Variants in SIX4 observed in about 807,000 individuals in gnomAD.
The protein encoded by SIX4 is SIX homeobox 4, also known as homeobox protein SIX4.
SIX4 carries 23 observed loss-of-function variants against 51.5 expected under a neutral mutation model. The observed-to-expected ratio is 0.45, with a 90% confidence interval of 0.32 to 0.63. SIX4 has a LOEUF of 0.63. SIX4 is among the 30% of genes least tolerant of loss of function. The probability of loss-of-function intolerance (pLI) is 0.04; values close to 1 mark genes in which losing one functional copy is unlikely to be tolerated. For synonymous variants in SIX4, 413 were observed against 417.3 expected, an observed-to-expected ratio of 0.99 and a Z score of 0.13; for missense variants, 867 against 984.0, an observed-to-expected ratio of 0.88 and a Z score of 1.59.
Position 60,723,961 on chromosome 14 carries a change from G to A in SIX4, c.114C>T (p.Gly38=), listed in dbSNP as rs758349639. Residue 38 remains glycine (G), a synonymous_variant, in exon 1 of 3, where the codon GGC becomes GGT. Coordinates refer to ENST00000216513, the MANE Select transcript of SIX4 (RefSeq NM_017420.5). ...CCGGGGGGCTCAGCCCTACCGCCGC[G>A]CCCCCCGCCACTTCTCGGTGCGCCT... ...GQEAHREVAG[G]AAVGLSPPAP... The A allele has an allele frequency of 3.3e-5, 50 of 1,503,862 alleles. 1 individual carries two copies. Among genetic ancestry groups the A allele is most frequent in the Middle Eastern group, 3.7e-4 (2 of 5,398 alleles). 93.2% of individuals were successfully genotyped at this position (1,503,862 alleles called of 1,614,324 possible).
chr14:60,721,833 G>C (rs929860274), intron 1 of SIX4, among the ~76,000 whole-genome samples: 1 of 152,226 alleles, frequency 6.6e-6, no homozygotes, highest in Admixed American at 6.5e-5. Context: ...CAGGTGGCTC[G>C]GCGTAACCAA....
At position 60,723,850 on chromosome 14, in the gene SIX4, C is replaced by T. The variant is rs575910506; in HGVS notation, c.225G>A (p.Ala75=). The T allele has an allele frequency of 6.4e-4, 985 of 1,528,156 alleles. 3 individuals carry two copies. The highest frequency in any genetic ancestry group is 1.9e-3 in the Admixed American group (83 of 44,798). 94.7% of individuals were successfully genotyped at this position (1,528,156 alleles called of 1,614,324 possible). Residue 75 remains alanine (A), a synonymous_variant, in exon 1 of 3, where the codon GCG becomes GCA. Coordinates refer to ENST00000216513, the MANE Select transcript of SIX4 (RefSeq NM_017420.5). The stretch of plus-strand genomic sequence containing the variant: ...CCTGATCCGCCGCCGCTCCGGCCGC[C>T]GCCGCCGCCACTGCCCCTTCCTCTC... ...VSGEEGAVAA[A]AAGAAADQVQ...
At position 60,713,309 on chromosome 14, in the gene SIX4, A is replaced by G. The variant is rs934589249; in HGVS notation, c.*98T>C. The G allele has an allele frequency of 1.8e-5, 23 of 1,305,606 alleles. No homozygotes were observed. In the African/African-American group the frequency reaches 2.8e-4, roughly 16 times the overall value. The allele number at this position is 1,305,606 out of a possible 1,614,324, so 80.9% of individuals were successfully genotyped here. On this transcript the variant is annotated 3_prime_UTR_variant, in exon 3 of 3. Transcript: ENST00000216513. Reference sequence around the variant, plus strand: ...CTTGTATGCATATACTTGCAAAACTAGAGTGTTTTCCTTTAAATGGGAAAA... The same window carrying G: ...CTTGTATGCATATACTTGCAAAACTGGAGTGTTTTCCTTTAAATGGGAAAA...
rs1397975431 is a variant in SIX4 at position 60,722,878 on chromosome 14, G to A, written c.863+334C>T. Among the ~76,000 whole-genome samples, 3 of 151,764 alleles carry A rather than the reference G, an allele frequency of 2.0e-5. No homozygotes were observed. Among genetic ancestry groups the A allele is most frequent in the Non-Finnish European group, 4.4e-5 (3 of 67,900 alleles). On this transcript the variant is annotated intron_variant, in intron 1 of 2. Coordinates refer to ENST00000216513, the MANE Select transcript of SIX4 (RefSeq NM_017420.5). This position sits in a 1 kb window ranked among gnomAD's most constrained non-coding sequence, Gnocchi z 5.9. The stretch of plus-strand genomic sequence containing the variant: ...GCTTCGTTAGCCCCTCCAGAAACGG[G>A]GAGAGGGTGGCAACTTCAAAGCCAG...
At position 60,724,102 on chromosome 14, in the gene SIX4, T is replaced by C; in HGVS notation, c.-28A>G. On this transcript the variant is annotated 5_prime_UTR_variant, in exon 1 of 3. Transcript: ENST00000216513. ...TTTGTTGTTTATTTTCCTCCCTCCC[T>C]CACTCCCTCGCACTCTTTTCCTCTT... is the stretch of plus-strand genomic sequence containing the variant. The C allele has an allele frequency of 6.3e-7, 1 of 1,578,502 alleles. No individual in the cohort carries two copies. The highest frequency in any genetic ancestry group is 8.6e-7 in the Non-Finnish European group (1 of 1,160,394).
In SIX4 at chr14:60,709,890, CA is replaced by C. The variant is rs754942139; in HGVS notation, c.*3516del. 1 of 152,494 alleles carries C rather than the reference CA, an allele frequency of 6.6e-6. No homozygotes were observed. The highest frequency in any genetic ancestry group is 1.5e-5 in the Non-Finnish European group (1 of 68,018). 9.4% of individuals were successfully genotyped at this position (152,494 alleles called of 1,614,324 possible). A position where few individuals can be genotyped will look rare whatever the true frequency, so the allele number is the denominator to read the frequency against. ...TAATATTTTTGAGAACTCTGAAAGC[CA>C]AAAGAGTCACATGCTATACAATTTT... is the stretch of plus-strand genomic sequence containing the variant. On this transcript the variant is annotated 3_prime_UTR_variant, in exon 3 of 3. Transcript: ENST00000216513. This position sits in a 1 kb window ranked among gnomAD's most constrained non-coding sequence, Gnocchi z 4.1.
rs1896003210 is a variant in SIX4 at position 60,720,570 on chromosome 14, A to AT, written c.864-126dup. 1 of 902,844 alleles carries AT rather than the reference A, an allele frequency of 1.1e-6. No individual in the cohort carries two copies. Among genetic ancestry groups the AT allele is most frequent in the South Asian group, 1.8e-5 (1 of 56,940 alleles). 55.9% of individuals were successfully genotyped at this position (902,844 alleles called of 1,614,324 possible). A position where few individuals can be genotyped will look rare whatever the true frequency, so the allele number is the denominator to read the frequency against. ...CAGTATTTAAGGAAAGCACAGCAGG[A>AT]TATCTGCTAGTCCTATTTAAACTAA... On this transcript the variant is annotated intron_variant, in intron 1 of 2. Coordinates refer to ENST00000216513, the MANE Select transcript of SIX4 (RefSeq NM_017420.5). This position sits in a 1 kb window ranked among gnomAD's most constrained non-coding sequence, Gnocchi z 5.5.
At position 60,724,143 on chromosome 14, in the gene SIX4, T is replaced by C; in HGVS notation, c.-69A>G. 1 of 1,606,552 alleles carries C rather than the reference T, an allele frequency of 6.2e-7. No individual in the cohort carries two copies. Among genetic ancestry groups the C allele is most frequent in the African/African-American group, 1.3e-5 (1 of 74,732 alleles). On this transcript the variant is annotated 5_prime_UTR_variant, in exon 1 of 3. An upstream open reading frame in the 5' UTR loses its in-frame stop. Coordinates refer to ENST00000216513, the MANE Select transcript of SIX4 (RefSeq NM_017420.5). The stretch of plus-strand genomic sequence containing the variant: ...TTTTCCTCTTTCTTTCCTCCTCTCT[T>C]ACTCCTCCTCCTTCGTCTCCCTCCC...
rs1896038637 is a variant in SIX4 at position 60,722,399 on chromosome 14, A to G, written c.863+813T>C. 6.6e-6 allele frequency among the ~76,000 whole-genome samples: 1 copy of G among 151,896 alleles called. No individual in the cohort carries two copies. Among genetic ancestry groups the G allele is most frequent in the Non-Finnish European group, 1.5e-5 (1 of 67,956 alleles). ...TAAGCCGGCCTGCCCCCCACCCATA[A>G]CTACCGTACCAGGAGGGAGCCAAGC... On this transcript the variant is annotated intron_variant, in intron 1 of 2. Coordinates refer to ENST00000216513, the MANE Select transcript of SIX4 (RefSeq NM_017420.5). The surrounding 1 kb of genome is among the most constrained non-coding windows in gnomAD (Gnocchi z 5.9).
In SIX4 at chr14:60,712,827, A is replaced by G. The variant is rs1895847266; in HGVS notation, c.*580T>C. 1 of 152,492 alleles carries G rather than the reference A, an allele frequency of 6.6e-6. No individual in the cohort carries two copies. Among genetic ancestry groups the G allele is most frequent in the Non-Finnish European group, 1.5e-5 (1 of 68,048 alleles). 9.4% of individuals were successfully genotyped at this position (152,492 alleles called of 1,614,324 possible). A position where few individuals can be genotyped will look rare whatever the true frequency, so the allele number is the denominator to read the frequency against. ...TGGAGTTCCGCACTTTCTCAGCCAC[A>G]CTGAGCTATTAGAAATCACATTTGG... On this transcript the variant is annotated 3_prime_UTR_variant, in exon 3 of 3. Transcript: ENST00000216513.
rs751397411 is a variant in SIX4 at position 60,714,103 on chromosome 14, G to A, written c.1650C>T (p.Pro550=). The change falls in exon 3 of 3, where the codon CCC becomes CCT. Residue 550 remains proline (P), a synonymous_variant. Coordinates refer to ENST00000216513, the MANE Select transcript of SIX4 (RefSeq NM_017420.5). The part of the protein sequence containing the change: ...QGKVFLSSLA[P]SAVVYTVPNT... ...TAGGAACCGTGTATACCACTGCACT[G>A]GGAGCAAGAGAGCTCAAGAAAACCT... is the stretch of plus-strand genomic sequence containing the variant. 1.2e-5 allele frequency: 20 copies of A among 1,614,050 alleles called. No homozygotes were observed. In the South Asian group the frequency reaches 2.2e-4, roughly 18 times the overall value.
Position 60,713,122 on chromosome 14 carries a change from T to C in SIX4, c.*285A>G, listed in dbSNP as rs1271667631. The C allele has an allele frequency of 1.1e-5, 3 of 284,322 alleles. No individual in the cohort carries two copies. The highest frequency in any genetic ancestry group is 1.3e-4 in the East Asian group (2 of 14,842). The allele number at this position is 284,322 out of a possible 1,614,324, so 17.6% of individuals were successfully genotyped here. ...AAGTTCCATTTTGACCTTAGAATTA[T>C]AGAGTCAACTAAATGATTCACTTTG... is the stretch of plus-strand genomic sequence containing the variant. On this transcript the variant is annotated 3_prime_UTR_variant, in exon 3 of 3. Transcript: ENST00000216513.
chr14:60,714,972 TAAA>T (rs11449594), intron 2 of SIX4, among the ~76,000 whole-genome samples: 139 of 129,318 alleles, frequency 1.1e-3, no homozygotes, highest in Middle Eastern at 3.9e-3. Context: ...GCCCTTTCTT[TAAA>T]AAAAAAAAAA....
At position 60,722,091 on chromosome 14, in the gene SIX4, T is replaced by C. The variant is rs1896032092; in HGVS notation, c.863+1121A>G. On this transcript the variant is annotated intron_variant, in intron 1 of 2. Coordinates refer to ENST00000216513, the MANE Select transcript of SIX4 (RefSeq NM_017420.5). This position sits in a 1 kb window ranked among gnomAD's most constrained non-coding sequence, Gnocchi z 5.9. ...GGCGCAGGCGGGCTGGATCCCCGGCTCCCAGTTTGCTTCCCCGAGAAGAAC... is the reference window on the plus strand; with the variant it reads ...GGCGCAGGCGGGCTGGATCCCCGGCCCCCAGTTTGCTTCCCCGAGAAGAAC... Among the ~76,000 whole-genome samples, 2 of 152,066 alleles carry C rather than the reference T, an allele frequency of 1.3e-5. No individual in the cohort carries two copies. The highest frequency in any genetic ancestry group is 4.2e-4 in the South Asian group (2 of 4,816).
chr14:60,719,886 G>A lies in SIX4; in HGVS notation c.1423C>T (p.Pro475Ser). ...ATGCCATACTGGTTAATTTGCACTG[G>A]TGTAGTAAAAGTCACTACAGACCCT... is the stretch of plus-strand genomic sequence containing the variant. ...DGGSVVTFTT[P>S]VQINQYGIVQ... Residue 475 changes from proline (P) to serine (S), a missense_variant, in exon 2 of 3, where the codon CCA becomes TCA. Transcript: ENST00000216513. This position sits in a 1 kb window ranked among gnomAD's most constrained non-coding sequence, Gnocchi z 4.9. 6.2e-7 allele frequency: 1 copy of A among 1,614,178 alleles called. No individual in the cohort carries two copies. The highest frequency in any genetic ancestry group is 1.1e-5 in the South Asian group (1 of 91,084).
Sources: allele counts gnomAD v4.1 joint callset (sites outside exome capture counted in the v4.1 genomes callset), GRCh38; gene constraint gnomAD v4.1.1; non-coding constraint Gnocchi (gnomAD v3.1); transcripts MANE v1.5; gene names NCBI Gene and HGNC (gene_info 2026-07-23, HGNC 2026-07-21).